Variants in PALB2 observed in about 807,000 individuals in gnomAD.
PALB2 encodes the protein partner and localizer of BRCA2.
A neutral mutation model predicts 107.4 loss-of-function variants in PALB2; 82 were observed. That is an observed-to-expected ratio of 0.76 (90% CI 0.64 to 0.92). The LOEUF (loss-of-function observed/expected upper bound fraction) is 0.92, where lower values mean the gene tolerates loss of function less well. Ranked by LOEUF, PALB2 falls within the 40% of genes least tolerant of loss-of-function variation. The pLI is 0.00. For missense variants in PALB2, 1,374 were observed against 1,379.9 expected (o/e 1.00, Z 0.07); for synonymous variants, 489 against 496.8 (o/e 0.98, Z 0.21).
chr16:23,626,747 G>A (rs1346612463), intron 6 of PALB2, among the ~76,000 whole-genome samples: 3 of 151,926 alleles, frequency 2.0e-5, no homozygotes, highest in African/African-American at 4.8e-5. Flanking sequence ...TCAGCCTTCC[G>A]AGTAGCTAGG....
At chr16:23,638,222 G>A (rs1967115982) in intron 1 of PALB2, 93 bp from the exon 2 acceptor site, 1 of 951,016 alleles carries the variant, frequency 1.1e-6, no homozygotes, top group South Asian at 1.3e-5. Context: ...CTTGGCAAGA[G>A]GCAGGGAGTA....
intron 11 of PALB2, among the ~76,000 whole-genome samples, chr16:23,611,118 ATCT>A: frequency 6.9e-6 from 1 of 144,418 alleles, no homozygotes; most frequent in Non-Finnish European, 1.6e-5. Flanking sequence ...CTATCTATCT[ATCT>A]ATCAATCTAT....
intron 11 of PALB2, among the ~76,000 whole-genome samples, chr16:23,609,369 G>C (rs990104436): frequency 1.3e-5 from 2 of 152,156 alleles, no homozygotes; most frequent in African/African-American, 4.8e-5. Flanking sequence ...AGGCTATAGT[G>C]AGCTATGATG....
rs538493830 is a variant in PALB2, at chr16:23,612,605, C to T, written c.3201+1399G>A. Reference sequence around the variant, plus strand: ...ACAGCAGTGTGATCATGGCTTACCACAGCCTCGACCTCCTGGGCTCCAGGG... The same window carrying T: ...ACAGCAGTGTGATCATGGCTTACCATAGCCTCGACCTCCTGGGCTCCAGGG... On this transcript the variant is annotated intron_variant, in intron 11 of 12. Transcript: ENST00000261584. Among the ~76,000 whole-genome samples, 73 of 150,446 alleles carry T rather than the reference C, an allele frequency of 4.9e-4. No homozygotes were observed. In the South Asian group the frequency reaches 0.014, roughly 30 times the overall value.
intron 8 of PALB2, 70 bp from the exon 9 acceptor site, chr16:23,623,200 C>CAT: frequency 1.3e-6 from 1 of 781,380 alleles, no homozygotes; most frequent in Non-Finnish European, 1.9e-6. Flanking sequence ...ACTAGGTTCA[C>CAT]TTTTTTTTTT....
Position 23,630,054 on chromosome 16 carries a change from T to G in PALB2, c.2100A>C (p.Ser700=). The G allele has an allele frequency of 6.2e-7, 1 of 1,614,138 alleles. No individual in the cohort carries two copies. The highest frequency in any genetic ancestry group is 1.1e-5 in the South Asian group (1 of 91,072). The change falls in exon 5 of 13, where the codon TCA becomes TCC. Residue 700 remains serine (S), a synonymous_variant. Coordinates refer to ENST00000261584, the MANE Select transcript of PALB2 (RefSeq NM_024675.4). ...TTAAAGGAGTATAAAGTAATATGGA[T>G]GAAGAAAGGCCCGTCTTTGTATGCT... ...QSQHTKTGLS[S]SILLYTPLNT... is the part of the protein sequence containing the mutation.
rs45525135 is a variant in PALB2 at position 23,623,124 on chromosome 16, C to A, written c.2841G>T (p.Leu947Phe). 6.2e-7 allele frequency: 1 copy of A among 1,611,644 alleles called. No individual in the cohort carries two copies. The highest frequency in any genetic ancestry group is 8.5e-7 in the Non-Finnish European group (1 of 1,178,774). Reference protein sequence around the residue: ...GNLEIREIRALFCSSDDESEK... With the variant: ...GNLEIREIRAFFCSSDDESEK... ...CACTTTCATCATCAGAGGAACAAAA[C>A]AATGCCCTAAGCCAAATATAAGGAA... is the stretch of plus-strand genomic sequence containing the variant. The change falls in exon 9 of 13, where the codon TTG becomes TTT. Residue 947 changes from leucine (L) to phenylalanine (F), a missense_variant. Transcript: ENST00000261584.
At chr16:23,624,119 A>G (rs2142345003) in intron 7 of PALB2, 25 bp from the exon 8 acceptor site, 1 of 1,505,230 alleles carries the variant, frequency 6.6e-7, no homozygotes, top group Non-Finnish European at 9.2e-7. Context: ...GCAGCCAAAA[A>G]TTATGCTTGG....
At chr16:23,620,936 C>T (rs534764335) in intron 10 of PALB2, among the ~76,000 whole-genome samples, 2 of 152,162 alleles carry the variant, frequency 1.3e-5, no homozygotes, top group African/African-American at 2.4e-5. Flanking sequence ...TAGCCAGGCA[C>T]GGTGGCTCAC....
Position 23,635,388 on chromosome 16 carries a change from G to A in PALB2, c.1158C>T (p.Thr386=), listed in dbSNP as rs2142424262. ...AATGTTTTTCTGCAGAAAGAGGAGAGGTTGCTTCCAGGCTAAGACTCTTAG... is the reference window on the plus strand; with the variant it reads ...AATGTTTTTCTGCAGAAAGAGGAGAAGTTGCTTCCAGGCTAAGACTCTTAG... ...SQPKSLSLEA[T]SPLSAEKHSC... Residue 386 remains threonine, a synonymous_variant, in exon 4 of 13, where the codon ACC becomes ACT. Coordinates refer to ENST00000261584, the MANE Select transcript of PALB2 (RefSeq NM_024675.4). The A allele has an allele frequency of 6.2e-7, 1 of 1,614,004 alleles. No individual in the cohort carries two copies. Among genetic ancestry groups the A allele is most frequent in the Non-Finnish European group, 8.5e-7 (1 of 1,180,014 alleles).
At chr16:23,632,157 AAGTGGCCAGGCTC>A (rs1406216669) in intron 4 of PALB2, among the ~76,000 whole-genome samples, 2 of 152,212 alleles carry the variant, frequency 1.3e-5, no homozygotes, top group Non-Finnish European at 2.9e-5. Flanking sequence ...ACATTATGCT[AAGTGGCCAGGCTC>A]AGTGGCTCAC....
At chr16:23,613,915 G>T in intron 11 of PALB2, 89 bp downstream of exon 11, 1 of 946,898 alleles carries the variant, frequency 1.1e-6, no homozygotes, top group South Asian at 1.4e-5. Context: ...CCACGGGGAA[G>T]GTTTGTTCAT....
At chr16:23,626,528 AAAAG>A (rs1393545605) in intron 6 of PALB2, 131 bp from the exon 7 acceptor site, 1 of 1,026,178 alleles carries the variant, frequency 9.7e-7, no homozygotes, top group Non-Finnish European at 1.5e-6. Flanking sequence ...TATGCAGGTG[AAAAG>A]AAAGAGCTTT....
Position 23,623,090 on chromosome 16 carries a change from C to T in PALB2, c.2875G>A (p.Val959Ile), listed in dbSNP as rs1064793658. ...CSSDDESEKQ[V>I]LLKSGNIKAV... ...TTTATATTTCCAGACTTCAGTAGTA[C>T]TTGCTTTTCACTTTCATCATCAGAG... Residue 959 changes from valine to isoleucine, a missense_variant, in exon 9 of 13, where the codon GTA becomes ATA. By Grantham distance (29) the Val-to-Ile change is conservative (BLOSUM62 3). Transcript: ENST00000261584. 6 of 1,613,868 alleles carry T rather than the reference C, an allele frequency of 3.7e-6. No individual in the cohort carries two copies. The highest frequency in any genetic ancestry group is 2.2e-5 in the East Asian group (1 of 44,872).
At position 23,635,778 on chromosome 16, in the gene PALB2, G is replaced by A. The variant is rs45487491; in HGVS notation, c.768C>T (p.Ser256=). 8.1e-5 allele frequency: 131 copies of A among 1,614,002 alleles called. 1 individual carries two copies. Among genetic ancestry groups the A allele is most frequent in the South Asian group, 5.3e-4 (48 of 91,076 alleles). The change falls in exon 4 of 13, where the codon AGC becomes AGT. Residue 256 remains serine (S), a synonymous_variant. Transcript: ENST00000261584. The stretch of plus-strand genomic sequence containing the variant: ...TGTGTTCAAGGTGCTGACTACTACC[G>A]CTATCTGATAGAGTCTGTAAAGGAA... ...TTVPLQTLSD[S]GSSQHLEHIP...
chr16:23,620,165 C>T (rs984559741), intron 10 of PALB2, among the ~76,000 whole-genome samples: 30 of 152,306 alleles, frequency 2.0e-4, no homozygotes, highest in African/African-American at 6.7e-4. Flanking sequence ...AACTGAAATT[C>T]GTTCTTTCAG....
intron 12 of PALB2, among the ~76,000 whole-genome samples, chr16:23,605,290 C>A (rs1966449648): frequency 6.6e-6 from 1 of 152,190 alleles, no homozygotes; most frequent in African/African-American, 2.4e-5. Context: ...AATTAAGGTG[C>A]CCACCTCTCC....
rs1555461148 is a variant in PALB2 at position 23,634,861 on chromosome 16, C to A, written c.1684+1G>T. The A allele has an allele frequency of 6.2e-7, 1 of 1,612,546 alleles. No homozygotes were observed. ...TCATCATCAAACACATCTTGATTTA[C>A]CTTTCACTTGAATAAATAATTTTTC... On this transcript the variant is annotated splice_donor_variant, in intron 4 of 12. Coordinates refer to ENST00000261584, the MANE Select transcript of PALB2 (RefSeq NM_024675.4). LOFTEE classifies it high-confidence loss of function.
intron 8 of PALB2, among the ~76,000 whole-genome samples, chr16:23,623,675 C>T (rs1309594363): frequency 1.3e-5 from 2 of 151,576 alleles, no homozygotes; most frequent in Admixed American, 6.6e-5. Flanking sequence ...AGGTGCTATA[C>T]ACCAGGCTAA....
Sources: gnomAD v4.1 joint callset for allele counts (sites outside exome capture counted in the v4.1 genomes callset) on GRCh38, gnomAD v4.1.1 for gene constraint, MANE v1.5 for transcripts, NCBI Gene and HGNC (gene_info 2026-07-23, HGNC 2026-07-21) for gene names.